The following SLC35F3 variants were observed in gnomAD, a reference collection of about 807,000 sequenced individuals.
SLC35F3 encodes solute carrier family 35 member F3.
A neutral mutation model predicts 49.9 loss-of-function variants in SLC35F3; 25 were observed. The observed-to-expected ratio is 0.50, with a 90% confidence interval of 0.37 to 0.70. The LOEUF is 0.70. SLC35F3 is among the 30% of genes least tolerant of loss of function. The pLI is 0.00. For missense variants in SLC35F3, 525 were observed against 639.8 expected, an observed-to-expected ratio of 0.82 and a Z score of 1.94; for synonymous variants, 275 against 265.4, an observed-to-expected ratio of 1.04 and a Z score of -0.35.
chr1:234,231,339 T>C lies in SLC35F3; in HGVS notation c.284-78T>C. On this transcript the variant is annotated intron_variant, in intron 2 of 7. Transcript: ENST00000366618. This position sits in a 1 kb window ranked among gnomAD's most constrained non-coding sequence, Gnocchi z 5.4. The stretch of plus-strand genomic sequence containing the variant: ...GCCCCCAGGTAGCTGGTGGTGACAA[T>C]GGCTGCAGGGCAGCGCCCTGCGAAG... The C allele has an allele frequency of 8.0e-7, 1 of 1,244,722 alleles. No individual in the cohort carries two copies. Among genetic ancestry groups the C allele is most frequent in the Non-Finnish European group, 1.1e-6 (1 of 925,798 alleles). 77.1% of individuals were successfully genotyped at this position (1,244,722 alleles called of 1,614,324 possible).
chr1:234,105,538 G>T (rs1288719401), intron 2 of SLC35F3, among the ~76,000 whole-genome samples: 1 of 152,120 alleles, frequency 6.6e-6, no homozygotes, highest in Non-Finnish European at 1.5e-5. Context: ...TTGAGGAGTG[G>T]CTGGTAAGGG....
intron 3 of SLC35F3, among the ~76,000 whole-genome samples, chr1:234,279,515 G>C (rs894029078): frequency 5.3e-5 from 8 of 152,214 alleles, no homozygotes; most frequent in African/African-American, 1.4e-4. Context: ...GGCCCAGAGA[G>C]TGAGGGACAG....
At chr1:234,021,467 A>T (rs1470685959) in intron 2 of SLC35F3, among the ~76,000 whole-genome samples, 3 of 152,184 alleles carry the variant, frequency 2.0e-5, no homozygotes, top group African/African-American at 7.2e-5. Flanking sequence ...TATTTTATCA[A>T]CCAACTGGAC....
intron 2 of SLC35F3, among the ~76,000 whole-genome samples, chr1:234,178,845 G>A (rs1436048699): frequency 1.3e-5 from 2 of 152,154 alleles, no homozygotes; most frequent in African/African-American, 4.8e-5. Context: ...TGTGGATCTT[G>A]ACAAATGTCT....
chr1:233,980,293 G>A (rs74850949), intron 2 of SLC35F3, among the ~76,000 whole-genome samples: 5,088 of 152,234 alleles, frequency 0.033, 154 homozygotes, highest in East Asian at 0.17. Context: ...AAGCAGCCTG[G>A]CTCTCAAAAG....
At chr1:234,034,636 TCAGCCTCC>T (rs113229325) in intron 2 of SLC35F3, among the ~76,000 whole-genome samples, 19,672 of 152,034 alleles carry the variant, frequency 0.13, 3,615 homozygotes, top group African/African-American at 0.41. Context: ...TTATCCTGCC[TCAGCCTCC>T]CAAGTAGCTG....
At chr1:233,932,205 T>C (rs1199231447) in intron 2 of SLC35F3, among the ~76,000 whole-genome samples, 1 of 151,948 alleles carries the variant, frequency 6.6e-6, no homozygotes, top group Non-Finnish European at 1.5e-5. Context: ...AGATGACAGG[T>C]TGATGAGTGC....
chr1:234,096,902 T>C (rs1378292173), intron 2 of SLC35F3, among the ~76,000 whole-genome samples: 1 of 151,402 alleles, frequency 6.6e-6, no homozygotes, highest in East Asian at 1.9e-4. Flanking sequence ...TTTTTTTTTT[T>C]TCTTGAGACG....
At chr1:234,256,892 A>C (rs886079375) in intron 3 of SLC35F3, among the ~76,000 whole-genome samples, 2 of 152,226 alleles carry the variant, frequency 1.3e-5, no homozygotes, top group Admixed American at 1.3e-4. Flanking sequence ...TCCTGGCCAG[A>C]GGCTACGCTT....
intron 2 of SLC35F3, among the ~76,000 whole-genome samples, chr1:234,146,041 A>G (rs1055802392): frequency 6.6e-6 from 1 of 152,178 alleles, no homozygotes; most frequent in African/African-American, 2.4e-5. Flanking sequence ...TATAAACAAC[A>G]TGTAGGTGGA....
intron 3 of SLC35F3, among the ~76,000 whole-genome samples, chr1:234,281,562 A>T (rs1668325829): frequency 6.6e-6 from 1 of 152,238 alleles, no homozygotes; most frequent in Admixed American, 6.5e-5. Flanking sequence ...GTTAAAACAG[A>T]CTTTTCAAAA....
chr1:234,112,722 ATTTTT>A (rs1157248348), intron 2 of SLC35F3, among the ~76,000 whole-genome samples: 1 of 33,546 alleles, frequency 3.0e-5, no homozygotes, highest in Non-Finnish European at 4.9e-5. Context: ...TGCCCAGCTA[ATTTTT>A]TTTTTTTTTT....
intron 3 of SLC35F3, among the ~76,000 whole-genome samples, chr1:234,280,257 T>C (rs1372659572): frequency 6.6e-6 from 1 of 152,238 alleles, no homozygotes; most frequent in Non-Finnish European, 1.5e-5. Context: ...TACCAAATCA[T>C]TTTAGGCAAC....
intron 2 of SLC35F3, among the ~76,000 whole-genome samples, chr1:234,174,312 C>A (rs1666444170): frequency 6.6e-6 from 1 of 152,240 alleles, no homozygotes; most frequent in Non-Finnish European, 1.5e-5. Flanking sequence ...GCCTCCCTGT[C>A]CCTTCACTCC....
intron 2 of SLC35F3, among the ~76,000 whole-genome samples, chr1:234,018,946 A>T (rs895268911): frequency 1.3e-5 from 2 of 152,188 alleles, no homozygotes; most frequent in Admixed American, 6.5e-5. Flanking sequence ...GCGTGTTATG[A>T]CTTGCATTGA....
intron 2 of SLC35F3, among the ~76,000 whole-genome samples, chr1:233,987,988 C>T (rs1403890413): frequency 1.3e-5 from 2 of 152,152 alleles, no homozygotes; most frequent in Admixed American, 6.5e-5. Flanking sequence ...TTTAAGTGGT[C>T]TTCTGCCTTC....
intron 2 of SLC35F3, among the ~76,000 whole-genome samples, chr1:233,954,613 G>A (rs1662664281): frequency 6.6e-6 from 1 of 152,176 alleles, no homozygotes; most frequent in Non-Finnish European, 1.5e-5. Context: ...GAAGTACCTG[G>A]CATAGGAGTC....
intron 2 of SLC35F3, among the ~76,000 whole-genome samples, chr1:233,951,788 A>G (rs1662611942): frequency 6.6e-6 from 1 of 152,038 alleles, no homozygotes; most frequent in African/African-American, 2.4e-5. Flanking sequence ...TATGTTGCCC[A>G]GGCTGATTCC....
chr1:234,198,632 G>T (rs991577859), intron 2 of SLC35F3, among the ~76,000 whole-genome samples: 3 of 151,600 alleles, frequency 2.0e-5, no homozygotes, highest in African/African-American at 7.3e-5. Flanking sequence ...AATTAGTTTT[G>T]TTCATCAACA....
Sources: allele counts gnomAD v4.1 joint callset (sites outside exome capture counted in the v4.1 genomes callset), GRCh38; gene constraint gnomAD v4.1.1; non-coding constraint Gnocchi (gnomAD v3.1); transcripts MANE v1.5; gene names NCBI Gene and HGNC (gene_info 2026-07-23, HGNC 2026-07-21).